PIEZO1: variants seen among roughly 807,000 people sequenced by gnomAD.
The protein encoded by PIEZO1 is piezo type mechanosensitive ion channel component 1 (Er blood group).
PIEZO1 carries 296 observed loss-of-function variants against 297.2 expected under a neutral mutation model. That is an observed-to-expected ratio of 1.00 (90% confidence interval 0.91 to 1.10). PIEZO1 has a LOEUF of 1.10. Among genes scored for constraint, PIEZO1 ranks in the 50% least tolerant of loss-of-function variants. The pLI is 0.00. For missense variants in PIEZO1, 5,018 were observed against 3,455.5 expected, an observed-to-expected ratio of 1.45 and a Z score of -11.34; for synonymous variants, 2,427 against 1,507.5, an observed-to-expected ratio of 1.61 and a Z score of -14.13.
Position 88,734,679 on chromosome 16 carries a change from C to T in PIEZO1, c.1968G>A (p.Trp656Ter), listed in dbSNP as rs892444868. 3 of 1,550,340 alleles carry T rather than the reference C, an allele frequency of 1.9e-6. No individual in the cohort carries two copies. The highest frequency in any genetic ancestry group is 2.6e-6 in the Non-Finnish European group (3 of 1,146,934). The change falls in exon 15 of 51, where the codon TGG becomes TGA. Residue 656 changes from tryptophan to a stop codon, truncating the protein, a stop_gained. Transcript: ENST00000301015. LOFTEE classifies it high-confidence loss of function. ...TFQFQDFPAY[W>*]RNLTGFTDEQ... ...CGTCGGTGAAGCCAGTGAGGTTGCG[C>T]CAGTAGGCAGGGAAGTCCTGGAACT...
chr16:88,741,723 CGG>C (rs1905679497), intron 4 of PIEZO1, 107 bp from the exon 5 acceptor site: 1 of 617,192 alleles, frequency 1.6e-6, no homozygotes, highest in Non-Finnish European at 2.8e-6. Context: ...TCTCCAGGTG[CGG>C]GTGGGAGTGT....
intron 1 of PIEZO1, among the ~76,000 whole-genome samples, chr16:88,775,964 C>T (rs887559373): frequency 4.6e-5 from 7 of 152,282 alleles, no homozygotes; most frequent in South Asian, 4.1e-4. Flanking sequence ...ATTAAAGCCA[C>T]GGGAGGCGCC....
chr16:88,722,519 G>T, intron 35 of PIEZO1, 64 bp downstream of exon 35: 1 of 1,435,834 alleles, frequency 7.0e-7, no homozygotes, highest in South Asian at 1.3e-5. Flanking sequence ...GAGGGTCGGG[G>T]ATGGCTAGGC....
At chr16:88,761,740 C>A (rs555984096) in intron 1 of PIEZO1, among the ~76,000 whole-genome samples, 19 of 152,038 alleles carry the variant, frequency 1.2e-4, no homozygotes, top group Middle Eastern at 3.4e-3. Flanking sequence ...TCCTGACCCT[C>A]CCCACTGCCC....
rs945080121 is a variant in PIEZO1 at position 88,785,179 on chromosome 16, G to A, written c.-215C>T. The A allele has an allele frequency of 2.6e-5, 7 of 272,568 alleles. No homozygotes were observed. Among genetic ancestry groups the A allele is most frequent in the Non-Finnish European group, 4.0e-5 (6 of 148,740 alleles). The allele number at this position is 272,568 out of a possible 1,614,324, so 16.9% of individuals were successfully genotyped here. On this transcript the variant is annotated 5_prime_UTR_variant, in exon 1 of 51. Coordinates refer to ENST00000301015, the MANE Select transcript of PIEZO1 (RefSeq NM_001142864.4). ...GCCCTGCCCCTCGGCGGAGCGCAGC[G>A]CTCGGCTCACTGGGGCCGAGCTGGG... is the stretch of plus-strand genomic sequence containing the variant.
chr16:88,775,733 AAAAAAAAAAAAG>A (rs1040920455), intron 1 of PIEZO1, among the ~76,000 whole-genome samples: 1 of 150,472 alleles, frequency 6.6e-6, no homozygotes, highest in African/African-American at 2.4e-5. Context: ...TGTCAAAAAA[AAAAAAAAAAAAG>A]AAAAGAAAAA....
At chr16:88,763,361 C>T (rs1907017383) in intron 1 of PIEZO1, among the ~76,000 whole-genome samples, 1 of 152,204 alleles carries the variant, frequency 6.6e-6, no homozygotes, top group Admixed American at 6.5e-5. Context: ...TGCTTCTTCT[C>T]TGGGATTCTG....
chr16:88,757,946 G>A (rs184244349), intron 1 of PIEZO1, among the ~76,000 whole-genome samples: 1 of 152,146 alleles, frequency 6.6e-6, no homozygotes, highest in African/African-American at 2.4e-5. Context: ...GCCTCAGAAG[G>A]TGCCACAGAA....
In PIEZO1 at chr16:88,738,361, A is replaced by G; in HGVS notation, c.714T>C (p.Phe238=). 1.3e-6 allele frequency: 2 copies of G among 1,535,880 alleles called. No individual in the cohort carries two copies. Among genetic ancestry groups the G allele is most frequent in the Non-Finnish European group, 1.7e-6 (2 of 1,146,856 alleles). The stretch of plus-strand genomic sequence containing the variant: ...TGCTGAAGCCCCGAGTGCTGATGGG[A>G]AAGTGGCAGGCCCACCAGGTGCAGA... ...LALCTWWACH[F]PISTRGFSRL... Residue 238 remains phenylalanine (F), a synonymous_variant, in exon 7 of 51, where the codon TTT becomes TTC. Coordinates refer to ENST00000301015, the MANE Select transcript of PIEZO1 (RefSeq NM_001142864.4).
chr16:88,757,333 G>GGA (rs1906723830), intron 1 of PIEZO1, among the ~76,000 whole-genome samples: 1 of 119,580 alleles, frequency 8.4e-6, no homozygotes, highest in Non-Finnish European at 1.8e-5. Context: ...GGGGTGGGGG[G>GGA]TAGTTACCTA....
rs755198795 is a variant in PIEZO1, at chr16:88,733,228, TAC to T, written c.2664+48_2664+49del. 4.3e-5 allele frequency: 64 copies of T among 1,502,584 alleles called. No individual in the cohort carries two copies. The South Asian group carries it at 5.2e-4, about 12-fold the overall frequency. 93.1% of individuals were successfully genotyped at this position (1,502,584 alleles called of 1,614,324 possible). A position where few individuals can be genotyped will look rare whatever the true frequency, so the allele number is the denominator to read the frequency against. ...TGCCCCAGGAGGGTCGGGCTGCGAA[TAC>T]AGAGTTGCCTGGAGCTTCCTCCCGT... is the stretch of plus-strand genomic sequence containing the variant. On this transcript the variant is annotated intron_variant, in intron 19 of 50. Transcript: ENST00000301015.
intron 44 of PIEZO1, chr16:88,717,656 A>AAAAT: frequency 2.2e-6 from 1 of 449,768 alleles, no homozygotes; most frequent in Non-Finnish European, 4.5e-6. Flanking sequence ...AGATATTACC[A>AAAAT]AAATAAATAC....
intron 1 of PIEZO1, among the ~76,000 whole-genome samples, chr16:88,757,006 A>G (rs375452352): frequency 1.3e-4 from 20 of 148,966 alleles, no homozygotes; most frequent in Admixed American, 9.3e-4. Flanking sequence ...AACCCAGGAG[A>G]TGGAGCTTGC....
At chr16:88,755,727 G>A (rs1024825076) in intron 1 of PIEZO1, among the ~76,000 whole-genome samples, 3 of 152,244 alleles carry the variant, frequency 2.0e-5, no homozygotes, top group South Asian at 2.1e-4. Flanking sequence ...ATCTCCAAAG[G>A]GGACAGTGCA....
At chr16:88,774,377 C>A (rs537600189) in intron 1 of PIEZO1, among the ~76,000 whole-genome samples, 2 of 152,142 alleles carry the variant, frequency 1.3e-5, no homozygotes, top group Non-Finnish European at 2.9e-5. Flanking sequence ...GGCGACAGAG[C>A]GAGACTCTGT....
At position 88,736,504 on chromosome 16, in the gene PIEZO1, G is replaced by A. The variant is rs9934074; in HGVS notation, c.1297-96C>T. ...AGAGGGGGCTGCACAGCTGCCCAGC[G>A]CACCCCACCCAGGCGATGCCCCACA... On this transcript the variant is annotated intron_variant, in intron 11 of 50. Transcript: ENST00000301015. 4,782 of 593,672 alleles carry A rather than the reference G, an allele frequency of 8.1e-3. 82 individuals carry two copies. Among genetic ancestry groups the A allele is most frequent in the African/African-American group, 0.042 (2,083 of 49,264 alleles). The allele number at this position is 593,672 out of a possible 1,614,324, so 36.8% of individuals were successfully genotyped here.
intron 10 of PIEZO1, chr16:88,737,150 T>C (rs1905275091): frequency 4.1e-6 from 1 of 243,868 alleles, no homozygotes. Flanking sequence ...CAAGGCGACG[T>C]GGCCAACACA....
At chr16:88,768,799 G>T (rs1025233700) in intron 1 of PIEZO1, among the ~76,000 whole-genome samples, 3 of 152,242 alleles carry the variant, frequency 2.0e-5, no homozygotes, top group Admixed American at 1.3e-4. Context: ...GGTGGGGGCG[G>T]TGCCCACAAT....
rs1176140010 is a variant in PIEZO1, at chr16:88,719,623, T to C, written c.6422A>G (p.Asp2141Gly). Residue 2141 changes from aspartate to glycine, a missense_variant, in exon 44 of 51, where the codon GAC becomes GGC. Physicochemically the swap from Asp to Gly is moderately conservative, Grantham distance 94. Coordinates refer to ENST00000301015, the MANE Select transcript of PIEZO1 (RefSeq NM_001142864.4). ...LSLSSWMCVE[D>G]IYANIFIIKC... ...GATGATGAAGATGTTGGCATAGATG[T>C]CCTCCACACACATCCAGCTGGACAG... The C allele has an allele frequency of 1.9e-6, 3 of 1,552,652 alleles. No individual in the cohort carries two copies. The highest frequency in any genetic ancestry group is 4.9e-5 in the East Asian group (2 of 41,094).
Sources: gnomAD v4.1 joint callset for allele counts (sites outside exome capture counted in the v4.1 genomes callset) on GRCh38, gnomAD v4.1.1 for gene constraint, MANE v1.5 for transcripts, NCBI Gene and HGNC (gene_info 2026-07-23, HGNC 2026-07-21) for gene names.